NLGN4X: variants seen among roughly 807,000 people sequenced by gnomAD.
The protein encoded by NLGN4X is neuroligin 4 X-linked, also known as neuroligin-4, X-linked.
In NLGN4X, 3 loss-of-function variants were observed where a neutral mutation model predicts 40.3. The observed-to-expected ratio is 0.07, with a 90% CI of 0.03 to 0.19. NLGN4X has a LOEUF of 0.19. Ranked by LOEUF, NLGN4X falls within the 10% of genes least tolerant of loss-of-function variation. NLGN4X has a pLI of 1.00. For missense variants in NLGN4X, 382 were observed against 708.3 expected (o/e 0.54, Z 5.23); for synonymous variants, 270 against 306.8 (o/e 0.88, Z 1.25).
intron 3 of NLGN4X, among the ~76,000 whole-genome samples, chrX:5,932,112 C>T (rs1375553934): frequency 9.0e-6 from 1 of 111,249 alleles, no homozygotes; most frequent in South Asian, 3.8e-4. Context: ...CACTTATGGC[C>T]ACTATGGGCT....
intron 3 of NLGN4X, among the ~76,000 whole-genome samples, chrX:5,930,518 G>T (rs918604494): frequency 1.8e-5 from 2 of 112,147 alleles, no homozygotes; most frequent in African/African-American, 6.5e-5. Flanking sequence ...GAGTATCCTG[G>T]TAGATTGCAT....
chrX:6,067,770 G>A (rs766424622), intron 2 of NLGN4X, among the ~76,000 whole-genome samples: 15 of 111,248 alleles, frequency 1.3e-4, no homozygotes, highest in South Asian at 3.8e-4. Context: ...TAAATGGCAT[G>A]CCAGCTCATG....
chrX:6,049,807 T>C (rs937924216), intron 2 of NLGN4X, among the ~76,000 whole-genome samples: 1 of 109,500 alleles, frequency 9.1e-6, no homozygotes, highest in African/African-American at 3.3e-5. Context: ...ATTTTTTAAA[T>C]CTTAAAAATG....
rs184391273 is a variant in NLGN4X at position 6,008,207 on chromosome X, C to T, written c.625+21073G>A. On this transcript the variant is annotated intron_variant, in intron 3 of 5. Transcript: ENST00000381095. ...TCTATCTCTAGAAATTTTTCATGTTCGCAAACTGAAACTCTGTAACCATGA... is the reference window on the plus strand; with the variant it reads ...TCTATCTCTAGAAATTTTTCATGTTTGCAAACTGAAACTCTGTAACCATGA... 4.0e-3 allele frequency among the ~76,000 whole-genome samples: 444 copies of T among 111,817 alleles called. 4 individuals carry two copies. The highest frequency in any genetic ancestry group is 0.013 in the African/African-American group (414 of 30,782).
intron 1 of NLGN4X, among the ~76,000 whole-genome samples, chrX:6,214,954 A>C (rs1483077792): frequency 8.9e-6 from 1 of 112,036 alleles, no homozygotes; most frequent in Non-Finnish European, 1.9e-5. Flanking sequence ...GAAACAGCTA[A>C]GGTGCATTCA....
At chrX:6,051,837 C>T (rs2037501043) in intron 2 of NLGN4X, among the ~76,000 whole-genome samples, 2 of 110,981 alleles carry the variant, frequency 1.8e-5, no homozygotes, top group Non-Finnish European at 3.8e-5. Context: ...TGAATTTGAG[C>T]CGGACCTATG....
chrX:5,921,390 C>CCAGA (rs1329812365), intron 3 of NLGN4X, among the ~76,000 whole-genome samples: 5 of 17,193 alleles, frequency 2.9e-4, no homozygotes, highest in Admixed American at 1.2e-3. Context: ...TGAAAATGAA[C>CCAGA]CAGAGAGAGA....
intron 1 of NLGN4X, among the ~76,000 whole-genome samples, chrX:6,183,397 A>C (rs1023835464): frequency 9.0e-6 from 1 of 110,819 alleles, no homozygotes; most frequent in African/African-American, 3.3e-5. Flanking sequence ...AATACAAAAA[A>C]TTAGCCAGGA....
At position 5,969,180 on chromosome X, in the gene NLGN4X, A is replaced by T. The variant is rs1319347416; in HGVS notation, c.626-59941T>A. Among the ~76,000 whole-genome samples the T allele has an allele frequency of 3.6e-5, 4 of 110,674 alleles. No individual in the cohort carries two copies. In the South Asian group the frequency reaches 1.2e-3, roughly 32 times the overall value. On this transcript the variant is annotated intron_variant, in intron 3 of 5. Transcript: ENST00000381095. ...AAGCCAAAATTGACAAATGGGATCTAATTAAACTAAAGAGCTTCTGCACAG... is the reference window on the plus strand; with the variant it reads ...AAGCCAAAATTGACAAATGGGATCTTATTAAACTAAAGAGCTTCTGCACAG...
At chrX:6,040,477 TAAA>T (rs11335101) in intron 2 of NLGN4X, among the ~76,000 whole-genome samples, 1 of 98,760 alleles carries the variant, frequency 1.0e-5, no homozygotes. Flanking sequence ...CTGCTTTTTT[TAAA>T]AAAAAAGGAT....
In NLGN4X at chrX:6,019,490, T is replaced by A. The variant is rs187755293; in HGVS notation, c.625+9790A>T. Among the ~76,000 whole-genome samples the A allele has an allele frequency of 1.9e-3, 216 of 111,755 alleles. 2 individuals carry two copies. The highest frequency in any genetic ancestry group is 6.6e-3 in the African/African-American group (204 of 30,789). On this transcript the variant is annotated intron_variant, in intron 3 of 5. Coordinates refer to ENST00000381095, the MANE Select transcript of NLGN4X (RefSeq NM_181332.3). ...CGCTCAGATTGCCTTTTAGAGATTTTTCCATTATCCTACTCGAAAGGACTA... is the reference window on the plus strand; with the variant it reads ...CGCTCAGATTGCCTTTTAGAGATTTATCCATTATCCTACTCGAAAGGACTA...
chrX:6,151,681 G>A lies in NLGN4X; in HGVS notation c.-215C>T, dbSNP rs909394263. On this transcript the variant is annotated 5_prime_UTR_variant, in exon 2 of 6. Transcript: ENST00000381095. Reference sequence around the variant, plus strand: ...AAGGAGGCAGCCCTCCCTTAATCCTGAAACTGGATTCCAGCAACTGCAATG... The same window carrying A: ...AAGGAGGCAGCCCTCCCTTAATCCTAAAACTGGATTCCAGCAACTGCAATG... 6.9e-6 allele frequency: 3 copies of A among 433,437 alleles called. No homozygotes were observed. In the African/African-American group the frequency reaches 7.5e-5, roughly 11 times the overall value. The allele number at this position is 433,437 out of a possible 1,213,427, so 35.7% of individuals were successfully genotyped here. A position where few individuals can be genotyped will look rare whatever the true frequency, so the allele number is the denominator to read the frequency against.
At chrX:6,146,665 T>A (rs1407782589) in intron 2 of NLGN4X, among the ~76,000 whole-genome samples, 1 of 103,618 alleles carries the variant, frequency 9.7e-6, no homozygotes, top group Non-Finnish European at 2.0e-5. Flanking sequence ...TGTTCTTTTT[T>A]AATATCTTCC....
At chrX:5,933,166 C>A (rs1435757526) in intron 3 of NLGN4X, among the ~76,000 whole-genome samples, 1 of 111,012 alleles carries the variant, frequency 9.0e-6, no homozygotes, top group Non-Finnish European at 1.9e-5. Flanking sequence ...TTTTGCTAAG[C>A]AAAGATTTAA....
intron 3 of NLGN4X, among the ~76,000 whole-genome samples, chrX:5,999,941 G>A (rs187983984): frequency 1.8e-3 from 205 of 112,413 alleles, no homozygotes; most frequent in Non-Finnish European, 3.0e-3. Context: ...AGGAAAAGAT[G>A]GCCACAATGA....
At chrX:6,107,762 C>G (rs2039062757) in intron 2 of NLGN4X, among the ~76,000 whole-genome samples, 1 of 111,576 alleles carries the variant, frequency 9.0e-6, no homozygotes, top group Non-Finnish European at 1.9e-5. Flanking sequence ...TCCATGTGTA[C>G]CCATTGTTTA....
At chrX:6,112,805 T>C (rs2039183603) in intron 2 of NLGN4X, among the ~76,000 whole-genome samples, 2 of 110,058 alleles carry the variant, frequency 1.8e-5, no homozygotes, top group African/African-American at 6.6e-5. Context: ...GGGTACAGTA[T>C]AGAAAGTGTG....
At chrX:5,932,919 C>T (rs928963225) in intron 3 of NLGN4X, among the ~76,000 whole-genome samples, 1 of 110,954 alleles carries the variant, frequency 9.0e-6, no homozygotes, top group Admixed American at 9.6e-5. Flanking sequence ...AGATATATTA[C>T]TAAGAAATTT....
rs2031168495 is a variant in NLGN4X, at chrX:5,891,512, G to C, written c.*1305C>G. 1 of 290,813 alleles carries C rather than the reference G, an allele frequency of 3.4e-6. No individual in the cohort carries two copies. Among genetic ancestry groups the C allele is most frequent in the Non-Finnish European group, 6.5e-6 (1 of 154,552 alleles). The allele number at this position is 290,813 out of a possible 1,213,427, so 24.0% of individuals were successfully genotyped here. On this transcript the variant is annotated 3_prime_UTR_variant, in exon 6 of 6. Transcript: ENST00000381095. ...CAATCTGATTAGCTAAGCTGAGCAG[G>C]TACTTCATCGGCCAAACCCTCCCGC...
Sources: allele counts gnomAD v4.1 joint callset (sites outside exome capture counted in the v4.1 genomes callset), GRCh38; gene constraint gnomAD v4.1.1; transcripts MANE v1.5; gene names NCBI Gene and HGNC (gene_info 2026-07-23, HGNC 2026-07-21).